The following FOXP1 variants were observed in gnomAD, a reference collection of about 807,000 sequenced individuals.
FOXP1 encodes the protein forkhead box P1.
FOXP1 carries 15 observed loss-of-function variants against 98.2 expected under a neutral mutation model. The observed-to-expected ratio is 0.15, with a 90% CI of 0.10 to 0.24. The LOEUF is 0.24. FOXP1 is among the 10% of genes least tolerant of loss of function. The pLI is 1.00. For synonymous variants in FOXP1, 371 were observed against 314.5 expected, an observed-to-expected ratio of 1.18 and a Z score of -1.90; for missense variants, 633 against 848.5, an observed-to-expected ratio of 0.75 and a Z score of 3.15.
chr3:71,319,136 G>T (rs1279498324), intron 4 of FOXP1, among the ~76,000 whole-genome samples: 2 of 151,914 alleles, frequency 1.3e-5, no homozygotes, highest in African/African-American at 2.4e-5. Context: ...ACTTTTTTTT[G>T]ATAGAAATCT....
rs376548428 is a variant in FOXP1 at position 71,550,433 on chromosome 3, T to C, written c.-298+31116A>G. Among the ~76,000 whole-genome samples, 23 of 152,306 alleles carry C rather than the reference T, an allele frequency of 1.5e-4. No homozygotes were observed. The East Asian group carries it at 2.7e-3, about 18-fold the overall frequency. On this transcript the variant is annotated intron_variant, in intron 2 of 20. Coordinates refer to ENST00000649528, the MANE Select transcript of FOXP1 (RefSeq NM_001349338.3). ...GAGTTCTTATCTCACTGAGGCCTGG[T>C]GACAGATAAATTACACAAACTAATA...
intron 6 of FOXP1, among the ~76,000 whole-genome samples, chr3:71,156,723 G>T (rs113101648): frequency 2.6e-5 from 4 of 152,100 alleles, no homozygotes; most frequent in African/African-American, 9.6e-5. Flanking sequence ...CTTGATTTTA[G>T]TGCCCAAAGG....
intron 2 of FOXP1, among the ~76,000 whole-genome samples, chr3:71,549,967 G>A (rs530646493): frequency 2.5e-4 from 37 of 148,276 alleles, no homozygotes; most frequent in Non-Finnish European, 4.4e-4. Context: ...CTAAGCATAT[G>A]TCAAAAAATT....
At chr3:71,224,644 C>T (rs2065686246) in intron 5 of FOXP1, among the ~76,000 whole-genome samples, 1 of 152,144 alleles carries the variant, frequency 6.6e-6, no homozygotes, top group Non-Finnish European at 1.5e-5. Flanking sequence ...GGAGAGGGCC[C>T]AGCACCCAGC....
chr3:71,378,251 C>T (rs1323611125), intron 3 of FOXP1, among the ~76,000 whole-genome samples: 1 of 151,946 alleles, frequency 6.6e-6, no homozygotes, highest in Non-Finnish European at 1.5e-5. Context: ...CAGTAACTAA[C>T]AGAACAATAC....
At chr3:71,459,089 T>C (rs1345819864) in intron 3 of FOXP1, among the ~76,000 whole-genome samples, 1 of 152,206 alleles carries the variant, frequency 6.6e-6, no homozygotes, top group Non-Finnish European at 1.5e-5. Flanking sequence ...CAAGATAAAG[T>C]GCTGTCATAA....
intron 3 of FOXP1, among the ~76,000 whole-genome samples, chr3:71,471,814 C>A (rs1470743023): frequency 1.3e-5 from 2 of 152,104 alleles, no homozygotes; most frequent in African/African-American, 4.8e-5. Context: ...TTACCACGTT[C>A]CCAGGTGAAT....
At chr3:71,303,820 A>G (rs1211857803) in intron 4 of FOXP1, among the ~76,000 whole-genome samples, 2 of 152,192 alleles carry the variant, frequency 1.3e-5, no homozygotes, top group African/African-American at 2.4e-5. Context: ...AAAGGAAAAA[A>G]TAGAGAAAAA....
At chr3:71,082,543 G>T (rs559248814) in intron 7 of FOXP1, among the ~76,000 whole-genome samples, 1 of 151,166 alleles carries the variant, frequency 6.6e-6, no homozygotes, top group East Asian at 1.9e-4. Context: ...GTTGATGGGC[G>T]CAGCAAACCA....
intron 5 of FOXP1, among the ~76,000 whole-genome samples, chr3:71,206,715 T>C (rs571904130): frequency 6.6e-6 from 1 of 152,354 alleles, no homozygotes; most frequent in East Asian, 1.9e-4. Flanking sequence ...TCAAACTTTC[T>C]TGGATAACGT....
intron 5 of FOXP1, among the ~76,000 whole-genome samples, chr3:71,253,300 C>T (rs533413665): frequency 7.2e-5 from 11 of 152,274 alleles, no homozygotes; most frequent in Admixed American, 3.3e-4. Context: ...AAGAACCATC[C>T]GGCAACTTGG....
chr3:71,164,318 GC>G (rs1357696839), intron 6 of FOXP1, among the ~76,000 whole-genome samples: 2 of 152,068 alleles, frequency 1.3e-5, no homozygotes, highest in African/African-American at 4.8e-5. Context: ...TCCTGCCTCA[GC>G]CTCCGGAGTA....
At chr3:71,201,878 T>C (rs999818742) in intron 5 of FOXP1, among the ~76,000 whole-genome samples, 7 of 152,152 alleles carry the variant, frequency 4.6e-5, no homozygotes, top group African/African-American at 1.7e-4. Flanking sequence ...GACAACAACA[T>C]TGCACATATA....
chr3:71,312,783 C>T (rs1010222971), intron 4 of FOXP1, among the ~76,000 whole-genome samples: 1 of 152,038 alleles, frequency 6.6e-6, no homozygotes. Context: ...GTCAGGAGTT[C>T]GAGGCCAGCC....
chr3:71,473,450 T>G (rs1040632115), intron 3 of FOXP1, among the ~76,000 whole-genome samples: 6 of 152,164 alleles, frequency 3.9e-5, no homozygotes, highest in Admixed American at 6.5e-5. Flanking sequence ...GCTCCCCTCA[T>G]GTCATATGTC....
At chr3:71,464,734 T>A (rs149436692) in intron 3 of FOXP1, among the ~76,000 whole-genome samples, 130 of 152,198 alleles carry the variant, frequency 8.5e-4, no homozygotes, top group African/African-American at 2.9e-3. Context: ...CGCTCAACAG[T>A]CACTTCCTCA....
At chr3:71,472,441 CTT>C (rs57952274) in intron 3 of FOXP1, among the ~76,000 whole-genome samples, 10 of 148,480 alleles carry the variant, frequency 6.7e-5, no homozygotes, top group African/African-American at 1.2e-4. Context: ...CATACTTTTC[CTT>C]TTTTTTTTTC....
At chr3:71,533,081 G>A (rs1237657102) in intron 2 of FOXP1, among the ~76,000 whole-genome samples, 2 of 152,114 alleles carry the variant, frequency 1.3e-5, no homozygotes, top group Non-Finnish European at 2.9e-5. Context: ...CTTCTGCAGC[G>A]GCCAGTGAGA....
intron 2 of FOXP1, among the ~76,000 whole-genome samples, chr3:71,528,700 C>T (rs1046187484): frequency 2.0e-5 from 3 of 151,990 alleles, no homozygotes; most frequent in African/African-American, 7.3e-5. Context: ...ACTACTTGAA[C>T]AAGAAAAAGA....
Sources: allele counts gnomAD v4.1 joint callset (sites outside exome capture counted in the v4.1 genomes callset), GRCh38; gene constraint gnomAD v4.1.1; transcripts MANE v1.5; gene names NCBI Gene and HGNC (gene_info 2026-07-23, HGNC 2026-07-21).